The following INPP5D variants were observed in gnomAD, a reference collection of about 807,000 sequenced individuals.
INPP5D encodes the protein phosphatidylinositol 3,4,5-trisphosphate 5-phosphatase 1.
In INPP5D, 33 loss-of-function variants were observed where a neutral mutation model predicts 122.9. The observed-to-expected ratio is 0.27, with a 90% CI of 0.20 to 0.36. INPP5D has a LOEUF of 0.36. INPP5D is among the 10% of genes least tolerant of loss of function. INPP5D has a pLI of 1.00. For missense variants in INPP5D, 1,053 were observed against 1,412.7 expected, an observed-to-expected ratio of 0.75 and a Z score of 4.08; for synonymous variants, 584 against 576.2, an observed-to-expected ratio of 1.01 and a Z score of -0.19.
chr2:233,159,435 T>C (rs570303539), intron 10 of INPP5D, among the ~76,000 whole-genome samples: 62 of 152,156 alleles, frequency 4.1e-4, no homozygotes, highest in African/African-American at 1.3e-3. Flanking sequence ...GGGTGCCTTA[T>C]GCCCATAATC....
intron 2 of INPP5D, among the ~76,000 whole-genome samples, chr2:233,103,702 C>CTTT (rs61589704): frequency 2.6e-4 from 30 of 116,108 alleles, no homozygotes; most frequent in African/African-American, 4.0e-4. Context: ...AAAAGTAGTT[C>CTTT]TTTTTTTTTT....
intron 1 of INPP5D, among the ~76,000 whole-genome samples, chr2:233,062,046 C>A (rs1691091337): frequency 6.6e-6 from 1 of 152,220 alleles, no homozygotes; most frequent in South Asian, 2.1e-4. Flanking sequence ...GCCCAGGCTG[C>A]CTGGACTTCC....
At chr2:233,148,640 G>A (rs1290240362) in intron 9 of INPP5D, among the ~76,000 whole-genome samples, 4 of 152,158 alleles carry the variant, frequency 2.6e-5, no homozygotes, top group Admixed American at 1.3e-4. Context: ...GAGGGCTGAC[G>A]AAAGCATGAG....
Position 233,177,375 on chromosome 2 carries a change from C to T in INPP5D, c.2071+29C>T. The T allele has an allele frequency of 6.2e-7, 1 of 1,613,440 alleles. No individual in the cohort carries two copies. The highest frequency in any genetic ancestry group is 2.2e-5 in the East Asian group (1 of 44,878). ...AGTTCAAACACTGGGGAAAGCAGAACAGGATCAGAGAATGGCACCAAGCTG... is the reference window on the plus strand; with the variant it reads ...AGTTCAAACACTGGGGAAAGCAGAATAGGATCAGAGAATGGCACCAAGCTG... On this transcript the variant is annotated intron_variant, in intron 18 of 26. Transcript: ENST00000445964. The surrounding 1 kb of genome is among the most constrained non-coding windows in gnomAD (Gnocchi z 4.2).
intron 5 of INPP5D, chr2:233,131,171 G>T (rs867617661): frequency 2.1e-6 from 2 of 968,542 alleles, no homozygotes; most frequent in Non-Finnish European, 2.5e-6. Flanking sequence ...ACTGGTAAAG[G>T]TTCTGATTTC....
chr2:233,207,319 A>C lies in INPP5D; in HGVS notation c.*611A>C, dbSNP rs1020172382. On this transcript the variant is annotated 3_prime_UTR_variant, in exon 27 of 27. Coordinates refer to ENST00000445964, the MANE Select transcript of INPP5D (RefSeq NM_001017915.3). This position sits in a 1 kb window ranked among gnomAD's most constrained non-coding sequence, Gnocchi z 4.6. ...TGGGTAGCTTGTTTAGGGTACAAGA[A>C]GCCTGTTCTGTCCAGCTTCAGTGAC... 4 of 152,806 alleles carry C rather than the reference A, an allele frequency of 2.6e-5. No individual in the cohort carries two copies. The highest frequency in any genetic ancestry group is 9.6e-5 in the African/African-American group (4 of 41,452). The allele number at this position is 152,806 out of a possible 1,614,324, so 9.5% of individuals were successfully genotyped here. A position where few individuals can be genotyped will look rare whatever the true frequency, so the allele number is the denominator to read the frequency against.
intron 2 of INPP5D, among the ~76,000 whole-genome samples, chr2:233,114,020 C>G (rs548489877): frequency 1.3e-5 from 2 of 151,854 alleles, no homozygotes; most frequent in South Asian, 2.1e-4. Flanking sequence ...ACGCCATTCT[C>G]CTGCTTCAGC....
At position 233,177,184 on chromosome 2, in the gene INPP5D, C is replaced by G; in HGVS notation, c.1990-81C>G. On this transcript the variant is annotated intron_variant, in intron 17 of 26. Coordinates refer to ENST00000445964, the MANE Select transcript of INPP5D (RefSeq NM_001017915.3). This position sits in a 1 kb window ranked among gnomAD's most constrained non-coding sequence, Gnocchi z 4.2. ...CCGATGAATTTGAGGATTACAGAGG[C>G]CACCAGTTAATCTGTTCTTTTACTG... The G allele has an allele frequency of 6.4e-7, 1 of 1,564,340 alleles. No individual in the cohort carries two copies. Among genetic ancestry groups the G allele is most frequent in the East Asian group, 2.3e-5 (1 of 43,496 alleles).
rs1694825365 is a variant in INPP5D at position 233,183,117 on chromosome 2, G to C, written c.2161+618G>C. Among the ~76,000 whole-genome samples the C allele has an allele frequency of 1.3e-5, 2 of 152,126 alleles. No homozygotes were observed. The highest frequency in any genetic ancestry group is 4.8e-5 in the African/African-American group (2 of 41,428). Reference sequence around the variant, plus strand: ...GTAATTTTTCAAATAATCCAGCTCAGCCCTGGTTGCCAGGCCACCCTCATC... The same window carrying C: ...GTAATTTTTCAAATAATCCAGCTCACCCCTGGTTGCCAGGCCACCCTCATC... On this transcript the variant is annotated intron_variant, in intron 19 of 26. Transcript: ENST00000445964. The surrounding 1 kb of genome is among the most constrained non-coding windows in gnomAD (Gnocchi z 4.6).
intron 23 of INPP5D, 85 bp downstream of exon 23, chr2:233,194,046 T>C: frequency 6.9e-7 from 1 of 1,458,824 alleles, no homozygotes; most frequent in Non-Finnish European, 9.1e-7. Flanking sequence ...AGCTGTCGAA[T>C]ATGCTCTCTG....
chr2:233,187,095 G>A (rs372836973), intron 21 of INPP5D, among the ~76,000 whole-genome samples: 19 of 151,956 alleles, frequency 1.3e-4, no homozygotes, highest in Non-Finnish European at 4.4e-5. Flanking sequence ...GAGGCGGGAG[G>A]ATAACCTGAG....
chr2:233,091,382 A>G (rs1691989070), intron 2 of INPP5D, among the ~76,000 whole-genome samples: 1 of 152,222 alleles, frequency 6.6e-6, no homozygotes, highest in African/African-American at 2.4e-5. Context: ...GCAGTTGTGC[A>G]GGCCAGAAGT....
At chr2:233,107,520 T>G (rs912826610) in intron 2 of INPP5D, among the ~76,000 whole-genome samples, 2 of 151,980 alleles carry the variant, frequency 1.3e-5, no homozygotes, top group Non-Finnish European at 2.9e-5. Context: ...TAGAAGGGAG[T>G]GCAGAGACTG....
At chr2:233,104,197 G>A (rs956049264) in intron 2 of INPP5D, among the ~76,000 whole-genome samples, 1 of 151,652 alleles carries the variant, frequency 6.6e-6, no homozygotes, top group African/African-American at 2.4e-5. Context: ...TTTTAGTAGA[G>A]ATGGGATTTC....
chr2:233,079,517 G>A lies in INPP5D; in HGVS notation c.198+119G>A. 5.6e-6 allele frequency: 4 copies of A among 712,568 alleles called. No homozygotes were observed. The East Asian group carries it at 1.1e-4, about 19-fold the overall frequency. The allele number at this position is 712,568 out of a possible 1,614,324, so 44.1% of individuals were successfully genotyped here. ...GGTAGCCGGACGTGAAGGCCTGGCT[G>A]AGCCTGGCTTCCTCCCAGGTGTCCA... is the stretch of plus-strand genomic sequence containing the variant. On this transcript the variant is annotated intron_variant, in intron 2 of 26. Transcript: ENST00000445964.
In INPP5D at chr2:233,181,191, T is replaced by C. The variant is rs146354181; in HGVS notation, c.2072-1219T>C. Among the ~76,000 whole-genome samples, 28 of 152,246 alleles carry C rather than the reference T, an allele frequency of 1.8e-4. No individual in the cohort carries two copies. The East Asian group carries it at 5.2e-3, about 28-fold the overall frequency. ...TTCCATGTGTTTCTCTGGTGATCCT[T>C]AGTAAGTGAGCTTTTTTTCTTTTCA... On this transcript the variant is annotated intron_variant, in intron 18 of 26. Transcript: ENST00000445964.
chr2:233,128,612 G>T lies in INPP5D; in HGVS notation c.525-1896G>T, dbSNP rs1693232308. Among the ~76,000 whole-genome samples the T allele has an allele frequency of 6.6e-6, 1 of 152,064 alleles. No homozygotes were observed. The highest frequency in any genetic ancestry group is 2.4e-5 in the African/African-American group (1 of 41,406). ...CCCGCCTCAGCCTCCTGAGTAGCTG[G>T]GACTACAAACGCACGCCACCACGCC... On this transcript the variant is annotated intron_variant, in intron 4 of 26. Coordinates refer to ENST00000445964, the MANE Select transcript of INPP5D (RefSeq NM_001017915.3). The surrounding 1 kb of genome is among the most constrained non-coding windows in gnomAD (Gnocchi z 4.5).
intron 5 of INPP5D, among the ~76,000 whole-genome samples, chr2:233,137,847 AAAAAAAATATATAT>A (rs1693511576): frequency 6.3e-5 from 1 of 15,910 alleles, no homozygotes; most frequent in African/African-American, 1.7e-4. Context: ...AAAAAAAAAA[AAAAAAAATATATAT>A]ATATATATAT....
intron 25 of INPP5D, 47 bp downstream of exon 25, chr2:233,198,423 C>T (rs762103651): frequency 1.3e-6 from 2 of 1,565,542 alleles, no homozygotes. Context: ...CTTATGAAAG[C>T]GCCCTGGGCT....
Sources: gnomAD v4.1 joint callset for allele counts (sites outside exome capture counted in the v4.1 genomes callset) on GRCh38, gnomAD v4.1.1 for gene constraint, Gnocchi (gnomAD v3.1) non-coding constraint, MANE v1.5 for transcripts, NCBI Gene and HGNC (gene_info 2026-07-23, HGNC 2026-07-21) for gene names.